The following RAD51B variants were observed in gnomAD, a reference collection of about 807,000 sequenced individuals.
RAD51B encodes the protein RAD51 paralog B, also known as DNA repair protein RAD51 homolog 2.
RAD51B carries 38 observed loss-of-function variants against 42.2 expected under a neutral mutation model. The ratio of observed to expected loss-of-function variants is 0.90; its 90% CI spans 0.70 to 1.18. RAD51B has a LOEUF of 1.18. Ranked by LOEUF, RAD51B falls within the 50% of genes most tolerant of loss-of-function variation. The pLI is 0.00. For missense variants in RAD51B, 373 were observed against 400.7 expected (o/e 0.93, Z 0.59); for synonymous variants, 154 against 145.2 (o/e 1.06, Z -0.43).
chr14:67,858,937 C>A (rs997240614), intron 4 of RAD51B, among the ~76,000 whole-genome samples: 1 of 152,174 alleles, frequency 6.6e-6, no homozygotes. Context: ...AAGAAAGTTC[C>A]ATAAAAATGT....
chr14:68,620,874 A>C (rs1026566180), intron 10 of RAD51B, among the ~76,000 whole-genome samples: 9 of 152,158 alleles, frequency 5.9e-5, no homozygotes, highest in Non-Finnish European at 1.0e-4. Flanking sequence ...GTAAAGGAGA[A>C]CCTATGGATG....
intron 8 of RAD51B, among the ~76,000 whole-genome samples, chr14:68,388,099 T>TTTA (rs2083647189): frequency 1.4e-5 from 2 of 146,022 alleles, no homozygotes; most frequent in Non-Finnish European, 3.0e-5. Flanking sequence ...TATATATTTT[T>TTTA]TTTTTTTTTT....
chr14:68,056,524 G>A (rs559547228), intron 7 of RAD51B, among the ~76,000 whole-genome samples: 4 of 151,822 alleles, frequency 2.6e-5, no homozygotes, highest in South Asian at 2.1e-4. Context: ...TGAGACAGGC[G>A]GATTGCCTGA....
chr14:68,677,474 A>G (rs181762547), intron 11 of RAD51B, among the ~76,000 whole-genome samples: 2 of 152,162 alleles, frequency 1.3e-5, no homozygotes, highest in East Asian at 3.9e-4. Context: ...CTGAAAACCC[A>G]TCTCCTGTAA....
chr14:68,112,553 A>G (rs2077475935), intron 7 of RAD51B, among the ~76,000 whole-genome samples: 1 of 152,136 alleles, frequency 6.6e-6, no homozygotes, highest in African/African-American at 2.4e-5. Context: ...TTAATTTTTA[A>G]TATTGTGAGC....
At chr14:68,194,433 A>G (rs1361625155) in intron 7 of RAD51B, among the ~76,000 whole-genome samples, 1 of 152,208 alleles carries the variant, frequency 6.6e-6, no homozygotes, top group Non-Finnish European at 1.5e-5. Context: ...AAAATTGAAT[A>G]GACAACTCTT....
intron 7 of RAD51B, among the ~76,000 whole-genome samples, chr14:68,148,924 G>A (rs941284227): frequency 6.6e-6 from 1 of 152,164 alleles, no homozygotes; most frequent in Non-Finnish European, 1.5e-5. Flanking sequence ...TGACTTATGA[G>A]TTTTCAATTT....
intron 7 of RAD51B, among the ~76,000 whole-genome samples, chr14:67,943,959 G>A (rs919525864): frequency 6.6e-5 from 10 of 152,110 alleles, no homozygotes; most frequent in African/African-American, 2.4e-4. Context: ...ATTGTATAAA[G>A]TGACGGATTC....
At chr14:68,240,222 G>A (rs2080353357) in intron 7 of RAD51B, among the ~76,000 whole-genome samples, 3 of 152,146 alleles carry the variant, frequency 2.0e-5, no homozygotes, top group Admixed American at 1.3e-4. Flanking sequence ...CCCAGCCCAT[G>A]CCTGTTGTGT....
chr14:68,410,945 G>GT (rs905856938), intron 8 of RAD51B, among the ~76,000 whole-genome samples: 8 of 151,926 alleles, frequency 5.3e-5, no homozygotes, highest in Non-Finnish European at 1.0e-4. Flanking sequence ...TGTATACGGG[G>GT]GGGTGGGAGG....
At chr14:67,892,720 G>A (rs1171069111) in intron 7 of RAD51B, among the ~76,000 whole-genome samples, 2 of 152,210 alleles carry the variant, frequency 1.3e-5, no homozygotes, top group African/African-American at 2.4e-5. Context: ...GGGATCTGGG[G>A]ACTACAATCT....
intron 7 of RAD51B, among the ~76,000 whole-genome samples, chr14:68,245,010 C>T (rs187444330): frequency 1.6e-4 from 24 of 152,212 alleles, no homozygotes; most frequent in African/African-American, 5.3e-4. Context: ...TAAAGAATGC[C>T]GTAACACTAA....
At chr14:68,453,221 T>C (rs1594860081) in intron 9 of RAD51B, among the ~76,000 whole-genome samples, 1 of 152,246 alleles carries the variant, frequency 6.6e-6, no homozygotes, top group African/African-American at 2.4e-5. Context: ...ATGATTCATT[T>C]GAAATTATGT....
At chr14:68,209,952 T>C (rs974750275) in intron 7 of RAD51B, among the ~76,000 whole-genome samples, 1 of 148,476 alleles carries the variant, frequency 6.7e-6, no homozygotes, top group Non-Finnish European at 1.5e-5. Flanking sequence ...AAACATACTC[T>C]AGGAATACCT....
chr14:68,039,469 A>G (rs1404047533), intron 7 of RAD51B, among the ~76,000 whole-genome samples: 1 of 151,690 alleles, frequency 6.6e-6, no homozygotes, highest in Non-Finnish European at 1.5e-5. Context: ...ATCTATAACC[A>G]TTATACTATG....
rs1489164723 is a variant in RAD51B, at chr14:68,648,091, GTGTATA to G, written c.1037-2688_1037-2683del. Reference sequence around the variant, plus strand: ...TATATATACACGTATATATACGTGTGTGTATATATATATACACACACGTATATATAT... The same window carrying G: ...TATATATACACGTATATATACGTGTGTATATATACACACACGTATATATAT... On this transcript the variant is annotated intron_variant, in intron 10 of 11. Coordinates refer to the RAD51B transcript ENST00000488612. Among the ~76,000 whole-genome samples the G allele has an allele frequency of 8.8e-4, 71 of 80,936 alleles. 6 individuals carry two copies. The highest frequency in any genetic ancestry group is 3.2e-3 in the African/African-American group (67 of 20,858). The allele number at this position is 80,936 out of a possible 152,430, so 53.1% of individuals were successfully genotyped here.
chr14:68,179,045 A>T (rs1255376766), intron 7 of RAD51B, among the ~76,000 whole-genome samples: 17 of 152,190 alleles, frequency 1.1e-4, no homozygotes, highest in Admixed American at 1.1e-3. Flanking sequence ...GCATTTTGAT[A>T]TAGAGGCAGG....
At chr14:68,525,377 C>A (rs144925803) in intron 10 of RAD51B, among the ~76,000 whole-genome samples, 4 of 152,354 alleles carry the variant, frequency 2.6e-5, no homozygotes, top group Admixed American at 2.6e-4. Context: ...TAAGCCATTC[C>A]ATTAGTGGTA....
intron 7 of RAD51B, among the ~76,000 whole-genome samples, chr14:68,092,519 A>G (rs980747762): frequency 5.3e-5 from 8 of 152,114 alleles, no homozygotes; most frequent in African/African-American, 1.7e-4. Flanking sequence ...TTGGTGTATA[A>G]GAATGCTTGT....
Sources: allele counts gnomAD v4.1 joint callset (sites outside exome capture counted in the v4.1 genomes callset), GRCh38; gene constraint gnomAD v4.1.1; transcripts MANE v1.5; gene names NCBI Gene and HGNC (gene_info 2026-07-23, HGNC 2026-07-21).